CENPC: variants seen among roughly 807,000 people sequenced by gnomAD.
The protein encoded by CENPC is CENP-C 1.
Under a neutral mutation model 112.1 loss-of-function variants are expected in CENPC, and 63 were observed. The ratio of observed to expected loss-of-function variants is 0.56; its 90% CI spans 0.46 to 0.69. The LOEUF (loss-of-function observed/expected upper bound fraction) is 0.69. Among genes scored for constraint, CENPC ranks in the 30% least tolerant of loss-of-function variants. CENPC has a pLI of 0.00. For synonymous variants in CENPC, 333 were observed against 367.6 expected (o/e 0.91, Z 1.08); for missense variants, 1,000 against 1,103.8 (o/e 0.91, Z 1.33).
At chr4:67,523,409 T>A (rs1247991101) in intron 5 of CENPC, among the ~76,000 whole-genome samples, 1 of 152,264 alleles carries the variant, frequency 6.6e-6, no homozygotes. Flanking sequence ...CCACAGGATA[T>A]GAGTCAACAA....
rs1225630491 is a variant in CENPC, at chr4:67,472,552, CTG to C, written c.*51_*52del. Reference sequence around the variant, plus strand: ...AAGACAAATATTCCAACTATACAAACTGTTTTTCACATATACATATATACATA... The same window carrying C: ...AAGACAAATATTCCAACTATACAAACTTTTTCACATATACATATATACATA... On this transcript the variant is annotated 3_prime_UTR_variant, in exon 19 of 19. Transcript: ENST00000273853. 2 of 1,341,938 alleles carry C rather than the reference CTG, an allele frequency of 1.5e-6. No homozygotes were observed. Among genetic ancestry groups the C allele is most frequent in the South Asian group, 2.2e-5 (1 of 45,008 alleles). The allele number at this position is 1,341,938 out of a possible 1,614,324, so 83.1% of individuals were successfully genotyped here. A position where few individuals can be genotyped will look rare whatever the true frequency, so the allele number is the denominator to read the frequency against.
intron 14 of CENPC, chr4:67,493,286 G>T: frequency 1.0e-5 from 2 of 192,776 alleles, no homozygotes; most frequent in Non-Finnish European, 2.1e-5. Context: ...AAAAGGAGGG[G>T]GCTAGCAATG....
intron 5 of CENPC, among the ~76,000 whole-genome samples, chr4:67,528,972 A>G (rs968807725): frequency 3.3e-5 from 5 of 152,184 alleles, no homozygotes; most frequent in Non-Finnish European, 7.4e-5. Context: ...CGTATCTTCA[A>G]CACTTATTTT....
intron 12 of CENPC, among the ~76,000 whole-genome samples, chr4:67,498,354 G>T (rs926230216): frequency 6.6e-6 from 1 of 152,154 alleles, no homozygotes; most frequent in Admixed American, 6.5e-5. Context: ...TGACTGATCA[G>T]GCTGGGGTGT....
At chr4:67,512,976 A>G (rs1273900883) in intron 8 of CENPC, among the ~76,000 whole-genome samples, 1 of 152,204 alleles carries the variant, frequency 6.6e-6, no homozygotes, top group African/African-American at 2.4e-5. Flanking sequence ...ACTCTGAAAT[A>G]GAGGCATTAT....
At chr4:67,502,006 A>C (rs1389344185) in intron 12 of CENPC, among the ~76,000 whole-genome samples, 1 of 152,194 alleles carries the variant, frequency 6.6e-6, no homozygotes, top group East Asian at 1.9e-4. Flanking sequence ...CCTAGTAAGT[A>C]TGGAGATGGA....
intron 5 of CENPC, among the ~76,000 whole-genome samples, chr4:67,522,222 A>G (rs916603395): frequency 2.0e-5 from 3 of 152,262 alleles, no homozygotes; most frequent in Non-Finnish European, 4.4e-5. Context: ...AATAACTAAC[A>G]GTAGTATTTA....
intron 12 of CENPC, among the ~76,000 whole-genome samples, chr4:67,499,878 C>A (rs1395921481): frequency 6.6e-6 from 1 of 151,998 alleles, no homozygotes; most frequent in Non-Finnish European, 1.5e-5. Context: ...CACTTAGAAG[C>A]CATCGTAGGG....
chr4:67,476,150 A>T (rs1236848997), intron 17 of CENPC, among the ~76,000 whole-genome samples: 1 of 152,256 alleles, frequency 6.6e-6, no homozygotes, highest in Non-Finnish European at 1.5e-5. Context: ...AGTGGAGGAT[A>T]GAAAGTAGGA....
In CENPC at chr4:67,470,850, A is replaced by C. The variant is rs2109753117; in HGVS notation, c.*1755T>G. ...TTAGGAATGGACAAGGAGTATCTGT[A>C]GTTGCTAACCAAAGGTTACAGTCCT... On this transcript the variant is annotated 3_prime_UTR_variant, in exon 19 of 19. Transcript: ENST00000273853. 1 of 152,344 alleles carries C rather than the reference A, an allele frequency of 6.6e-6. No individual in the cohort carries two copies. Among genetic ancestry groups the C allele is most frequent in the Non-Finnish European group, 1.5e-5 (1 of 68,050 alleles). 9.4% of individuals were successfully genotyped at this position (152,344 alleles called of 1,614,324 possible). A position where few individuals can be genotyped will look rare whatever the true frequency, so the allele number is the denominator to read the frequency against.
At chr4:67,488,879 T>C (rs569138886) in intron 17 of CENPC, among the ~76,000 whole-genome samples, 3 of 151,998 alleles carry the variant, frequency 2.0e-5, no homozygotes, top group South Asian at 2.1e-4. Context: ...GACTTTCATA[T>C]GTATCTTTTC....
chr4:67,538,569 A>AG (rs927999807), intron 4 of CENPC, among the ~76,000 whole-genome samples: 43 of 152,376 alleles, frequency 2.8e-4, no homozygotes, highest in African/African-American at 9.4e-4. Context: ...GCCAAAGCTG[A>AG]GGATTCAGGA....
At chr4:67,474,712 A>G (rs939900782) in intron 18 of CENPC, 176 bp downstream of exon 18, 1 of 572,048 alleles carries the variant, frequency 1.7e-6, no homozygotes, top group Non-Finnish European at 3.1e-6. Context: ...ACAAAAAAAA[A>G]CCACCACAAA....
At chr4:67,497,221 C>T (rs2646293) in intron 12 of CENPC, among the ~76,000 whole-genome samples, 94,762 of 151,240 alleles carry the variant, frequency 0.63, 29,925 homozygotes, top group East Asian at 0.81. Flanking sequence ...CTACTAAAAA[C>T]ACAAAAATTA....
At chr4:67,480,739 C>T (rs1113364) in intron 17 of CENPC, among the ~76,000 whole-genome samples, 29,240 of 152,126 alleles carry the variant, frequency 0.19, 3,501 homozygotes, top group Non-Finnish European at 0.27. Context: ...TTGCCAAAAT[C>T]CGGCATTGCT....
chr4:67,487,051 C>A (rs1034065408), intron 17 of CENPC, among the ~76,000 whole-genome samples: 11 of 148,282 alleles, frequency 7.4e-5, no homozygotes, highest in African/African-American at 2.7e-4. Flanking sequence ...TATCAGGAGG[C>A]ACATAATGCT....
intron 9 of CENPC, among the ~76,000 whole-genome samples, chr4:67,509,871 T>C (rs969857004): frequency 2.0e-5 from 3 of 152,170 alleles, no homozygotes; most frequent in African/African-American, 7.2e-5. Flanking sequence ...CAACTCTGCT[T>C]AATTAAAGTA....
chr4:67,520,051 T>C (rs1469320320), intron 5 of CENPC, among the ~76,000 whole-genome samples: 1 of 152,114 alleles, frequency 6.6e-6, no homozygotes, highest in African/African-American at 2.4e-5. Flanking sequence ...CTGTCTCCCA[T>C]ATACCCCTGG....
chr4:67,492,220 C>T lies in CENPC; in HGVS notation c.2475G>A (p.Thr825=), dbSNP rs368539460. 49 of 1,569,662 alleles carry T rather than the reference C, an allele frequency of 3.1e-5. No individual in the cohort carries two copies. The African/African-American group carries it at 4.6e-4, about 15-fold the overall frequency. Residue 825 remains threonine, a synonymous_variant, in exon 16 of 19, where the codon ACG becomes ACA. Transcript: ENST00000273853. The stretch of plus-strand genomic sequence containing the variant: ...CTCTTGTTTCTGGGTCCTTTACCCT[C>T]GTTGGCTGCAAAGGATCTCCAAGAG... ...GIPLGDPLQP[T]RVKDPETREI... is the part of the protein sequence containing the mutation.
Sources: gnomAD v4.1 joint callset for allele counts (sites outside exome capture counted in the v4.1 genomes callset) on GRCh38, gnomAD v4.1.1 for gene constraint, MANE v1.5 for transcripts, NCBI Gene and HGNC (gene_info 2026-07-23, HGNC 2026-07-21) for gene names.